The following THADA variants were observed in gnomAD, a reference collection of about 807,000 sequenced individuals.
The protein encoded by THADA is tRNA (32-2'-O)-methyltransferase regulator THADA.
In THADA, 213 loss-of-function variants were observed where a neutral mutation model predicts 219.8. The observed-to-expected ratio is 0.97, with a 90% CI of 0.87 to 1.09. The LOEUF is 1.09. THADA is among the 50% of genes least tolerant of loss of function. The pLI is 0.00. For synonymous variants in THADA, 1,018 were observed against 828.9 expected, an observed-to-expected ratio of 1.23 and a Z score of -3.92; for missense variants, 2,956 against 2,311.3, an observed-to-expected ratio of 1.28 and a Z score of -5.72.
At chr2:43,463,719 C>G (rs1471952871) in intron 26 of THADA, among the ~76,000 whole-genome samples, 1 of 149,026 alleles carries the variant, frequency 6.7e-6, no homozygotes, top group East Asian at 1.9e-4. Context: ...AATGGTGCAC[C>G]ACGATCTTTT....
chr2:43,297,460 GC>G (rs1361424737), intron 31 of THADA, among the ~76,000 whole-genome samples: 58 of 97,444 alleles, frequency 6.0e-4, no homozygotes, highest in Non-Finnish European at 8.3e-4. Flanking sequence ...GGGGGGGTCA[GC>G]CCCCCGCCCG....
chr2:43,572,862 G>T lies in THADA; in HGVS notation c.1860C>A (p.Leu620=). The change falls in exon 12 of 38, where the codon CTC becomes CTA. Residue 620 remains leucine (L), a synonymous_variant. Coordinates refer to ENST00000405975, the MANE Select transcript of THADA (RefSeq NM_022065.5). ...LQSATDTWEN[L]VSDARIKQGL... ...CTTGCTTTATTCTTGCATCAGACAC[G>T]AGGTTCTCCCAGGTATCAGTTGCAG... The T allele has an allele frequency of 1.2e-6, 2 of 1,613,802 alleles. No homozygotes were observed. The highest frequency in any genetic ancestry group is 1.1e-5 in the South Asian group (1 of 91,062).
intron 36 of THADA, among the ~76,000 whole-genome samples, chr2:43,250,604 C>G (rs935658718): frequency 6.6e-6 from 1 of 152,126 alleles, no homozygotes; most frequent in Non-Finnish European, 1.5e-5. Context: ...GTGGCTCACA[C>G]CCGTAATCCC....
At chr2:43,562,984 CTT>C (rs1258003004) in intron 15 of THADA, 4 of 152,094 alleles carry the variant, frequency 2.6e-5, no homozygotes, top group African/African-American at 9.7e-5. Context: ...GTTTAGCAAA[CTT>C]TGTCTATTTG....
Position 43,572,966 on chromosome 2 carries a change from C to G in THADA, c.1756G>C (p.Gly586Arg). The change falls in exon 12 of 38, where the codon GGG (glycine) becomes CGG (arginine). Residue 586 changes from glycine to arginine, a missense_variant. Coordinates refer to ENST00000405975, the MANE Select transcript of THADA (RefSeq NM_022065.5). ...AGAGCCCCCCTGCTATTACAAGACCCTAAGGATGGGAAAGATTGCTCTTGT... is the reference window on the plus strand; with the variant it reads ...AGAGCCCCCCTGCTATTACAAGACCGTAAGGATGGGAAAGATTGCTCTTGT... ...TGQEQSFPSL[G>R]SCNSRGALGA... The G allele has an allele frequency of 6.2e-7, 1 of 1,613,828 alleles. No individual in the cohort carries two copies. The highest frequency in any genetic ancestry group is 8.5e-7 in the Non-Finnish European group (1 of 1,179,804).
At chr2:43,268,639 C>G (rs765042025) in intron 36 of THADA, among the ~76,000 whole-genome samples, 1 of 152,252 alleles carries the variant, frequency 6.6e-6, no homozygotes, top group African/African-American at 2.4e-5. Flanking sequence ...TCACCCTTTA[C>G]GCCTCCTTGG....
intron 21 of THADA, among the ~76,000 whole-genome samples, chr2:43,532,864 C>T (rs996023840): frequency 1.3e-5 from 2 of 152,162 alleles, no homozygotes; most frequent in African/African-American, 4.8e-5. Flanking sequence ...ACACCAAAAG[C>T]AACTGCGACA....
intron 34 of THADA, among the ~76,000 whole-genome samples, chr2:43,288,028 G>C (rs1674248791): frequency 6.6e-6 from 1 of 152,216 alleles, no homozygotes; most frequent in Non-Finnish European, 1.5e-5. Context: ...AACAAAGTAT[G>C]AGAACCTGGT....
chr2:43,385,508 G>A (rs1672550537), intron 29 of THADA, among the ~76,000 whole-genome samples: 1 of 151,276 alleles, frequency 6.6e-6, no homozygotes. Flanking sequence ...TCGGAAGTCT[G>A]AGGCAGGAGA....
At chr2:43,443,497 C>T (rs1242267611) in intron 26 of THADA, among the ~76,000 whole-genome samples, 4 of 152,148 alleles carry the variant, frequency 2.6e-5, no homozygotes, top group Non-Finnish European at 5.9e-5. Context: ...GTTACCACTG[C>T]AGATATAGCG....
At chr2:43,379,549 A>G (rs548729612) in intron 29 of THADA, among the ~76,000 whole-genome samples, 3 of 152,344 alleles carry the variant, frequency 2.0e-5, no homozygotes, top group African/African-American at 7.2e-5. Context: ...TGGTGACTCC[A>G]AGTGCTGACA....
chr2:43,546,189 T>TGAGA lies in THADA; in HGVS notation c.3106+3020_3106+3021insTCTC, dbSNP rs1405614355. 3.3e-5 allele frequency among the ~76,000 whole-genome samples: 5 copies of TGAGA among 151,928 alleles called. No homozygotes were observed. In the East Asian group the frequency reaches 9.7e-4, roughly 29 times the overall value. On this transcript the variant is annotated intron_variant, in intron 20 of 37. Transcript: ENST00000405975. ...TTCCATGTAGTTGAGTGGTTTTGAGTTTCTTAATCCTGAGTTCTAGTTTGA... is the reference window on the plus strand; with the variant it reads ...TTCCATGTAGTTGAGTGGTTTTGAGTGAGATTCTTAATCCTGAGTTCTAGTTTGA...
rs557865087 is a variant in THADA at position 43,286,638 on chromosome 2, T to C, written c.5164+270A>G. On this transcript the variant is annotated intron_variant, in intron 35 of 37. Transcript: ENST00000405975. ...TACTCAGGAGACTGAGGCAGGAGGATTGCTTGAAACCAGGAGGTGGAGGTT... is the reference window on the plus strand; with the variant it reads ...TACTCAGGAGACTGAGGCAGGAGGACTGCTTGAAACCAGGAGGTGGAGGTT... 1.4e-3 allele frequency among the ~76,000 whole-genome samples: 208 copies of C among 152,074 alleles called. 1 individual carries two copies. The highest frequency in any genetic ancestry group is 4.7e-3 in the African/African-American group (196 of 41,506).
intron 31 of THADA, among the ~76,000 whole-genome samples, chr2:43,299,077 G>A (rs529152476): frequency 6.6e-6 from 1 of 152,052 alleles, no homozygotes; most frequent in East Asian, 1.9e-4. Context: ...GGAAAAATAA[G>A]ATCACCTTCC....
At chr2:43,241,299 G>C (rs1243613171) in intron 36 of THADA, among the ~76,000 whole-genome samples, 1 of 151,762 alleles carries the variant, frequency 6.6e-6, no homozygotes, top group Non-Finnish European at 1.5e-5. Context: ...ACGTGGCCCA[G>C]GTTGGTCTTA....
chr2:43,396,982 T>C (rs1024216416), intron 29 of THADA, among the ~76,000 whole-genome samples: 2 of 152,196 alleles, frequency 1.3e-5, no homozygotes, highest in African/African-American at 4.8e-5. Context: ...CCCGGCACTA[T>C]TCTAAGCATG....
At chr2:43,289,794 G>A (rs1674472581) in intron 34 of THADA, among the ~76,000 whole-genome samples, 1 of 151,894 alleles carries the variant, frequency 6.6e-6, no homozygotes, top group Non-Finnish European at 1.5e-5. Context: ...TGGGATTACG[G>A]GCGCATACCA....
intron 28 of THADA, among the ~76,000 whole-genome samples, chr2:43,416,101 C>T (rs1676937135): frequency 6.6e-6 from 1 of 152,118 alleles, no homozygotes; most frequent in Admixed American, 6.5e-5. Context: ...GTCAATTTTA[C>T]TTTTCATTTT....
At chr2:43,553,262 TC>T (rs1696962424) in intron 17 of THADA, among the ~76,000 whole-genome samples, 1 of 152,216 alleles carries the variant, frequency 6.6e-6, no homozygotes, top group Non-Finnish European at 1.5e-5. Flanking sequence ...CTTAGGTATA[TC>T]CTTGTTATGG....
Sources: allele counts gnomAD v4.1 joint callset (sites outside exome capture counted in the v4.1 genomes callset), GRCh38; gene constraint gnomAD v4.1.1; transcripts MANE v1.5; gene names NCBI Gene and HGNC (gene_info 2026-07-23, HGNC 2026-07-21).